RMC1: variants seen among roughly 807,000 people sequenced by gnomAD.
RMC1 encodes regulator of MON1-CCZ1 complex.
In RMC1, 44 loss-of-function variants were observed where a neutral mutation model predicts 95.5. That is an observed-to-expected ratio of 0.46 (90% CI 0.36 to 0.59). RMC1 has a LOEUF of 0.59. Among genes scored for constraint, RMC1 ranks in the 20% least tolerant of loss-of-function variants. The pLI is 0.00. For missense variants in RMC1, 705 were observed against 819.6 expected, an observed-to-expected ratio of 0.86 and a Z score of 1.71; for synonymous variants, 320 against 303.6, an observed-to-expected ratio of 1.05 and a Z score of -0.56.
At chr18:23,511,269 T>C (rs1057410868) in intron 5 of RMC1, among the ~76,000 whole-genome samples, 14 of 151,486 alleles carry the variant, frequency 9.2e-5, no homozygotes, top group Non-Finnish European at 1.6e-4. Flanking sequence ...AAGTGGGAGC[T>C]AAATGTAAGT....
chr18:23,509,532 G>C (rs1307377286), intron 5 of RMC1: 3 of 210,484 alleles, frequency 1.4e-5, no homozygotes, highest in Non-Finnish European at 2.8e-5. Context: ...ACCATGCCTG[G>C]CTAATTTTTC....
chr18:23,530,687 G>C (rs141714570), intron 19 of RMC1, 75 bp downstream of exon 19: 114 of 1,416,178 alleles, frequency 8.0e-5, no homozygotes, highest in Non-Finnish European at 1.0e-4. Context: ...GCTGGTGGGC[G>C]AGGACCCTGG....
At chr18:23,531,286 G>A (rs1401428116) in intron 19 of RMC1, among the ~76,000 whole-genome samples, 3 of 152,210 alleles carry the variant, frequency 2.0e-5, no homozygotes, top group South Asian at 2.1e-4. Context: ...ACCGCACCTG[G>A]CCCTGGTTGA....
At chr18:23,503,491 G>A (rs988460713), upstream of RMC1, 9 of 469,526 alleles carry the variant, frequency 1.9e-5, no homozygotes, top group Non-Finnish European at 2.7e-5. Flanking sequence ...GCACCAGGAA[G>A]CGGCGTCCGC....
chr18:23,520,165 T>G, intron 9 of RMC1, 37 bp from the exon 10 acceptor site: 1 of 1,513,352 alleles, frequency 6.6e-7, no homozygotes. Flanking sequence ...CAAACCATGA[T>G]TGATTTTGGC....
intron 16 of RMC1, 121 bp downstream of exon 16, chr18:23,529,833 G>A: frequency 8.9e-7 from 1 of 1,119,164 alleles, no homozygotes; most frequent in Non-Finnish European, 1.3e-6. Context: ...TCAGAATGCT[G>A]AGTGACTCCT....
chr18:23,513,180 C>G (rs2057909312), intron 5 of RMC1, among the ~76,000 whole-genome samples: 1 of 152,182 alleles, frequency 6.6e-6, no homozygotes, highest in Non-Finnish European at 1.5e-5. Context: ...TCTTGAACTC[C>G]TGACTTCAGG....
chr18:23,507,823 G>A (rs539503372), intron 3 of RMC1, among the ~76,000 whole-genome samples, 162 bp from the exon 4 acceptor site: 28 of 152,294 alleles, frequency 1.8e-4, no homozygotes, highest in Non-Finnish European at 2.6e-4. Context: ...CAGATGATCC[G>A]AATTGGTCTT....
At chr18:23,529,754 T>C in intron 16 of RMC1, 42 bp downstream of exon 16, 1 of 1,545,454 alleles carries the variant, frequency 6.5e-7, no homozygotes, top group Non-Finnish European at 8.9e-7. Flanking sequence ...ACAGAAGGAA[T>C]TTAAAAAAAA....
intron 12 of RMC1, among the ~76,000 whole-genome samples, 184 bp from the exon 13 acceptor site, chr18:23,526,453 G>A (rs986373142): frequency 6.6e-6 from 1 of 152,100 alleles, no homozygotes; most frequent in Non-Finnish European, 1.5e-5. Flanking sequence ...TGGTAGACAC[G>A]CTCCTGAATT....
At chr18:23,507,961 G>A (rs768376012) in intron 3 of RMC1, 24 bp from the exon 4 acceptor site, 5 of 1,608,156 alleles carry the variant, frequency 3.1e-6, no homozygotes, top group Non-Finnish European at 4.2e-6. Flanking sequence ...AAATTTGTGT[G>A]TGTCTGTGTG....
intron 15 of RMC1, 82 bp downstream of exon 15, chr18:23,529,380 T>G: frequency 6.6e-7 from 1 of 1,517,102 alleles, no homozygotes; most frequent in Non-Finnish European, 8.8e-7. Context: ...CTTCATGTGA[T>G]TAGAGTCACT....
chr18:23,521,310 T>C (rs2058135509), intron 10 of RMC1, among the ~76,000 whole-genome samples: 1 of 152,234 alleles, frequency 6.6e-6, no homozygotes, highest in Non-Finnish European at 1.5e-5. Flanking sequence ...TGATTAGCCG[T>C]TGATGGTGAA....
At chr18:23,521,726 T>C (rs938768717) in intron 10 of RMC1, among the ~76,000 whole-genome samples, 5 of 152,134 alleles carry the variant, frequency 3.3e-5, no homozygotes, top group African/African-American at 1.2e-4. Context: ...AGAACTTTAT[T>C]TTCTCACAGT....
At chr18:23,529,507 C>A in intron 15 of RMC1, 128 bp from the exon 16 acceptor site, 3 of 1,252,060 alleles carry the variant, frequency 2.4e-6, no homozygotes, top group South Asian at 1.3e-5. Context: ...GCGATGTGTG[C>A]AAAACCAGTG....
chr18:23,506,862 C>T, intron 2 of RMC1, 108 bp from the exon 3 acceptor site: 1 of 752,774 alleles, frequency 1.3e-6, no homozygotes, highest in South Asian at 1.6e-5. Context: ...TAATTTTAGA[C>T]TAGAATTTGC....
chr18:23,524,342 A>C (rs1359545418), intron 11 of RMC1, 87 bp from the exon 12 acceptor site: 1 of 1,524,628 alleles, frequency 6.6e-7, no homozygotes, highest in Admixed American at 1.7e-5. Flanking sequence ...GACTCAGTAC[A>C]TGGTGGGCAG....
At chr18:23,510,030 AAAAG>A (rs1174220319) in intron 5 of RMC1, among the ~76,000 whole-genome samples, 2 of 150,678 alleles carry the variant, frequency 1.3e-5, no homozygotes, top group Non-Finnish European at 3.0e-5. Context: ...AAAAAAAAAA[AAAAG>A]AAAAGAAAAA....
At chr18:23,518,742 G>GTAAC in intron 7 of RMC1, 148 bp from the exon 8 acceptor site, 1 of 643,270 alleles carries the variant, frequency 1.6e-6, no homozygotes, top group Non-Finnish European at 2.7e-6. Flanking sequence ...TAGGCTTTGA[G>GTAAC]TAACTGCATG....
Sources: gnomAD v4.1 joint callset for allele counts (sites outside exome capture counted in the v4.1 genomes callset) on GRCh38, gnomAD v4.1.1 for gene constraint, MANE v1.5 for transcripts, NCBI Gene and HGNC (gene_info 2026-07-23, HGNC 2026-07-21) for gene names.